Variants in CSNK2A2IP observed in about 807,000 individuals in gnomAD.
CSNK2A2IP encodes casein kinase 2 subunit alpha' interacting protein.
chr3:88,382,881 G>A, the CSNK2A2IP span: 14 of 152,168 alleles, frequency 9.2e-5, no homozygotes, highest in Non-Finnish European at 1.9e-4. Context: ...ACCTTTTTGG[G>A]TAGATTATTA....
chr3:88,401,903 G>C, the CSNK2A2IP span, among the ~76,000 whole-genome samples: 5 of 152,006 alleles, frequency 3.3e-5, no homozygotes, highest in Non-Finnish European at 7.4e-5. Flanking sequence ...GTGTAAATTA[G>C]CTTAAAAATC....
the CSNK2A2IP span, among the ~76,000 whole-genome samples, chr3:88,348,569 A>G: frequency 6.6e-6 from 1 of 152,090 alleles, no homozygotes; most frequent in African/African-American, 2.4e-5. Context: ...AAAAGCTAAC[A>G]TTTGACTTAA....
the CSNK2A2IP span, among the ~76,000 whole-genome samples, chr3:88,427,394 G>T: frequency 2.6e-5 from 4 of 152,208 alleles, no homozygotes; most frequent in Non-Finnish European, 5.9e-5. Context: ...ATTTTCTGAG[G>T]AGAAAGTCAA....
At chr3:88,409,375 C>T in the CSNK2A2IP span, among the ~76,000 whole-genome samples, 2 of 152,028 alleles carry the variant, frequency 1.3e-5, no homozygotes, top group Non-Finnish European at 2.9e-5. Flanking sequence ...ATTTACCTAG[C>T]TATTCAAATT....
At chr3:88,352,307 C>T in the CSNK2A2IP span, among the ~76,000 whole-genome samples, 1 of 152,022 alleles carries the variant, frequency 6.6e-6, no homozygotes, top group African/African-American at 2.4e-5. Flanking sequence ...TTTGTTCAAT[C>T]CCTGAAATGC....
At chr3:88,347,527 A>G in the CSNK2A2IP span, among the ~76,000 whole-genome samples, 1 of 152,078 alleles carries the variant, frequency 6.6e-6, no homozygotes, top group Non-Finnish European at 1.5e-5. Context: ...CATTCATGGA[A>G]TGCTCTGATG....
chr3:88,369,282 G>A, the CSNK2A2IP span, among the ~76,000 whole-genome samples: 1 of 151,902 alleles, frequency 6.6e-6, no homozygotes, highest in African/African-American at 2.4e-5. Flanking sequence ...TTCTGCTGTA[G>A]TTGAAGGAAA....
At chr3:88,416,198 G>T in the CSNK2A2IP span, among the ~76,000 whole-genome samples, 1 of 151,408 alleles carries the variant, frequency 6.6e-6, no homozygotes, top group Admixed American at 6.6e-5. Context: ...TTGAACCTGG[G>T]AGATGGAGAG....
chr3:88,374,403 T>C, the CSNK2A2IP span, among the ~76,000 whole-genome samples: 1 of 151,646 alleles, frequency 6.6e-6, no homozygotes, highest in Admixed American at 6.6e-5. Flanking sequence ...AGGCTGAAGA[T>C]ATGGATTTGG....
chr3:88,340,078 T>C, the CSNK2A2IP span, among the ~76,000 whole-genome samples: 66,496 of 151,786 alleles, frequency 0.44, 15,816 homozygotes, highest in South Asian at 0.62. Context: ...ATTTTCTATA[T>C]GTACCAAGAA....
At chr3:88,370,123 T>C in the CSNK2A2IP span, among the ~76,000 whole-genome samples, 3 of 151,628 alleles carry the variant, frequency 2.0e-5, no homozygotes, top group Non-Finnish European at 4.4e-5. Flanking sequence ...AGAAAGGAGA[T>C]TTCAGAGCCA....
At chr3:88,448,380 T>C in the CSNK2A2IP span, among the ~76,000 whole-genome samples, 2 of 152,206 alleles carry the variant, frequency 1.3e-5, no homozygotes, top group Admixed American at 6.5e-5. Context: ...TGTAACTATG[T>C]ATTTATACCT....
chr3:88,367,124 A>G, the CSNK2A2IP span, among the ~76,000 whole-genome samples: 1 of 152,102 alleles, frequency 6.6e-6, no homozygotes, highest in Non-Finnish European at 1.5e-5. Flanking sequence ...ATCAGGGCAT[A>G]ATCAATATTG....
the CSNK2A2IP span, among the ~76,000 whole-genome samples, chr3:88,422,506 A>G: frequency 6.6e-6 from 1 of 152,310 alleles, no homozygotes; most frequent in South Asian, 2.1e-4. Context: ...CTCAAGTCTA[A>G]CACTTGTGGT....
the CSNK2A2IP span, among the ~76,000 whole-genome samples, chr3:88,389,204 A>T: frequency 3.3e-5 from 5 of 151,730 alleles, no homozygotes; most frequent in South Asian, 1.1e-3. Context: ...GGGGTTCAGG[A>T]AGGAGCTCAA....
the CSNK2A2IP span, among the ~76,000 whole-genome samples, chr3:88,390,224 A>T: frequency 6.6e-6 from 1 of 152,190 alleles, no homozygotes; most frequent in Non-Finnish European, 1.5e-5. Flanking sequence ...ATGGAATCAA[A>T]TGAGGCTGGC....
At chr3:88,417,072 A>C in the CSNK2A2IP span, among the ~76,000 whole-genome samples, 1 of 151,142 alleles carries the variant, frequency 6.6e-6, no homozygotes, top group Non-Finnish European at 1.5e-5. Flanking sequence ...AGCATTATAT[A>C]AGATTACTAG....
chr3:88,358,274 A>G, the CSNK2A2IP span, among the ~76,000 whole-genome samples: 9 of 117,292 alleles, frequency 7.7e-5, no homozygotes, highest in South Asian at 3.7e-4. Flanking sequence ...AAATCATATC[A>G]TCTGCAAAGA....
chr3:88,378,560 T>C, the CSNK2A2IP span, among the ~76,000 whole-genome samples: 25 of 152,178 alleles, frequency 1.6e-4, no homozygotes, highest in African/African-American at 6.0e-4. Context: ...TAGTGTAATT[T>C]AATTTCAATT....
Sources: allele counts gnomAD v4.1 joint callset (sites outside exome capture counted in the v4.1 genomes callset), GRCh38; gene constraint gnomAD v4.1.1; transcripts MANE v1.5; gene names NCBI Gene and HGNC (gene_info 2026-07-23, HGNC 2026-07-21).